The following B3GAT2 variants were observed in gnomAD, a reference collection of about 807,000 sequenced individuals.
B3GAT2 encodes the protein beta-1,3-glucuronyltransferase 2, also known as galactosylgalactosylxylosylprotein 3-beta-glucuronosyltransferase 2.
In B3GAT2, 26 loss-of-function variants were observed where a neutral mutation model predicts 27.8. That is an observed-to-expected ratio of 0.93 (90% CI 0.68 to 1.30). The LOEUF is 1.30. B3GAT2 is among the 50% of genes most tolerant of loss of function. B3GAT2 has a pLI of 0.00. For synonymous variants in B3GAT2, 218 were observed against 195.1 expected (o/e 1.12, Z -0.98); for missense variants, 458 against 459.0 (o/e 1.00, Z 0.02).
At chr6:70,950,111 G>T (rs10455715) in intron 1 of B3GAT2, among the ~76,000 whole-genome samples, 28,026 of 151,274 alleles carry the variant, frequency 0.19, 2,874 homozygotes, top group East Asian at 0.34. Flanking sequence ...GCTAAAAGAC[G>T]AGTTAATGGG....
At chr6:70,864,702 C>T (rs575351169) in intron 2 of B3GAT2, among the ~76,000 whole-genome samples, 61 of 152,092 alleles carry the variant, frequency 4.0e-4, no homozygotes, top group Non-Finnish European at 7.1e-4. Flanking sequence ...GAATCTGACC[C>T]GCTGTGAAGC....
Position 70,894,155 on chromosome 6 carries a change from C to G in B3GAT2, c.709G>C (p.Asp237His), listed in dbSNP as rs1160274987. The G allele has an allele frequency of 2.5e-6, 4 of 1,613,094 alleles. No individual in the cohort carries two copies. The South Asian group carries it at 3.3e-5, about 13-fold the overall frequency. ...GCCATGTCGATGGCAAAAGGCCTGT[C>G]TGCTCTCCAGCCGGTGTACCAGCCA... ...VVGWYTGWRA[D>H]RPFAIDMAGF... is the part of the protein sequence containing the mutation. Residue 237 changes from aspartate (D) to histidine (H), a missense_variant, in exon 2 of 4, where the codon GAC (aspartate) becomes CAC (histidine). Asp to His is a moderately conservative substitution (Grantham distance 81). Coordinates refer to ENST00000230053, the MANE Select transcript of B3GAT2 (RefSeq NM_080742.3).
chr6:70,944,098 C>T (rs1012295979), intron 1 of B3GAT2, among the ~76,000 whole-genome samples: 6 of 152,138 alleles, frequency 3.9e-5, no homozygotes, highest in East Asian at 1.9e-4. Flanking sequence ...CTGGCAGCCA[C>T]GATGGCCAAA....
intron 1 of B3GAT2, among the ~76,000 whole-genome samples, chr6:70,948,921 C>T (rs1765534789): frequency 6.6e-6 from 1 of 151,996 alleles, no homozygotes; most frequent in Admixed American, 6.6e-5. Flanking sequence ...CTACAACTAT[C>T]TGATCTTTGA....
intron 1 of B3GAT2, among the ~76,000 whole-genome samples, chr6:70,940,782 G>T (rs1765380489): frequency 6.6e-6 from 1 of 152,092 alleles, no homozygotes; most frequent in Non-Finnish European, 1.5e-5. Context: ...ACAAAAATTA[G>T]CCAGGCATGA....
At chr6:70,935,445 C>A (rs1765252122) in intron 1 of B3GAT2, among the ~76,000 whole-genome samples, 1 of 150,472 alleles carries the variant, frequency 6.6e-6, no homozygotes. Flanking sequence ...CAGAGAGAGA[C>A]CCTGTCTCAC....
Position 70,894,163 on chromosome 6 carries a change from C to T in B3GAT2, c.701G>A (p.Trp234Ter). Residue 234 changes from tryptophan to a stop codon, truncating the protein, a stop_gained, in exon 2 of 4, where the codon TGG (tryptophan) becomes TAG (stop). Coordinates refer to ENST00000230053, the MANE Select transcript of B3GAT2 (RefSeq NM_080742.3). LOFTEE classifies it high-confidence loss of function. ...GATGGCAAAAGGCCTGTCTGCTCTCCAGCCGGTGTACCAGCCAACAACTTT... is the reference window on the plus strand; with the variant it reads ...GATGGCAAAAGGCCTGTCTGCTCTCTAGCCGGTGTACCAGCCAACAACTTT... Reference protein sequence around the residue: ...NGKVVGWYTGWRADRPFAIDM... With the variant: ...NGKVVGWYTG 6.2e-7 allele frequency: 1 copy of T among 1,613,420 alleles called. No individual in the cohort carries two copies. The highest frequency in any genetic ancestry group is 8.5e-7 in the Non-Finnish European group (1 of 1,179,538).
chr6:70,869,095 C>G (rs557740399), intron 2 of B3GAT2, among the ~76,000 whole-genome samples: 13 of 152,248 alleles, frequency 8.5e-5, no homozygotes, highest in Non-Finnish European at 1.6e-4. Context: ...ATCAACTGAC[C>G]ATAAATGATT....
intron 1 of B3GAT2, among the ~76,000 whole-genome samples, chr6:70,904,880 G>C (rs1011196969): frequency 6.6e-6 from 1 of 152,054 alleles, no homozygotes; most frequent in African/African-American, 2.4e-5. Context: ...CACAATAAGA[G>C]GTATGGCAGT....
intron 1 of B3GAT2, among the ~76,000 whole-genome samples, chr6:70,930,559 C>CATTT (rs1773044596): frequency 5.3e-5 from 8 of 150,518 alleles, no homozygotes; most frequent in Admixed American, 2.6e-4. Context: ...TCTCAAAAGA[C>CATTT]ATGCAGCCAA....
At position 70,956,619 on chromosome 6, in the gene B3GAT2, G is replaced by C; in HGVS notation, c.-190C>G. The stretch of plus-strand genomic sequence containing the variant: ...CTGGGCGTGGAGGAGCGGCAGGTTC[G>C]CGCAAGCTAGAGCGACAAGGGGTGC... On this transcript the variant is annotated 5_prime_UTR_variant, in exon 1 of 4. Coordinates refer to ENST00000230053, the MANE Select transcript of B3GAT2 (RefSeq NM_080742.3). 7.0e-7 allele frequency: 1 copy of C among 1,430,106 alleles called. No individual in the cohort carries two copies. Among genetic ancestry groups the C allele is most frequent in the Non-Finnish European group, 9.1e-7 (1 of 1,098,718 alleles). 88.6% of individuals were successfully genotyped at this position (1,430,106 alleles called of 1,614,324 possible).
chr6:70,876,089 T>A (rs915094685), intron 2 of B3GAT2, among the ~76,000 whole-genome samples: 4 of 152,212 alleles, frequency 2.6e-5, no homozygotes, highest in Admixed American at 1.3e-4. Context: ...CCCTTCAGAG[T>A]TTACTTGTAT....
At chr6:70,898,111 C>T (rs567090514) in intron 1 of B3GAT2, among the ~76,000 whole-genome samples, 8 of 152,006 alleles carry the variant, frequency 5.3e-5, no homozygotes, top group Admixed American at 3.3e-4. Context: ...TTTTTATTTC[C>T]ACATGAATTT....
intron 1 of B3GAT2, among the ~76,000 whole-genome samples, chr6:70,930,254 G>A (rs1240425168): frequency 6.6e-6 from 1 of 152,160 alleles, no homozygotes; most frequent in Non-Finnish European, 1.5e-5. Context: ...AGAAAACGTA[G>A]GCTATACCAT....
chr6:70,916,495 T>C (rs1772776569), intron 1 of B3GAT2, among the ~76,000 whole-genome samples: 1 of 152,274 alleles, frequency 6.6e-6, no homozygotes, highest in Non-Finnish European at 1.5e-5. Context: ...AAGGGAATGC[T>C]TCCAGTTTTT....
At chr6:70,902,074 C>T (rs949491645) in intron 1 of B3GAT2, among the ~76,000 whole-genome samples, 1 of 152,080 alleles carries the variant, frequency 6.6e-6, no homozygotes, top group Admixed American at 6.6e-5. Context: ...TGCTTTAGGT[C>T]ATATGTATTT....
intron 1 of B3GAT2, among the ~76,000 whole-genome samples, chr6:70,946,499 G>A (rs959252740): frequency 6.6e-6 from 1 of 151,888 alleles, no homozygotes; most frequent in African/African-American, 2.4e-5. Context: ...GTTACATAAC[G>A]GTAAAGGGAT....
chr6:70,893,337 C>A (rs959756790), intron 2 of B3GAT2, among the ~76,000 whole-genome samples: 4 of 151,990 alleles, frequency 2.6e-5, no homozygotes, highest in Non-Finnish European at 4.4e-5. Context: ...TGCTTCAGAG[C>A]TCAAGATTGA....
chr6:70,927,653 A>G (rs1772985890), intron 1 of B3GAT2, among the ~76,000 whole-genome samples: 5 of 152,210 alleles, frequency 3.3e-5, no homozygotes, highest in Admixed American at 3.3e-4. Context: ...TGCACCCAAT[A>G]CAGGAGCACC....
Sources: allele counts gnomAD v4.1 joint callset (sites outside exome capture counted in the v4.1 genomes callset), GRCh38; gene constraint gnomAD v4.1.1; transcripts MANE v1.5; gene names NCBI Gene and HGNC (gene_info 2026-07-23, HGNC 2026-07-21).